Variants in FHL2 observed in about 807,000 individuals in gnomAD.
FHL2 encodes the protein four and a half LIM domains protein 2.
FHL2 carries 20 observed loss-of-function variants against 32.7 expected under a neutral mutation model. That is an observed-to-expected ratio of 0.61 (90% CI 0.43 to 0.89). FHL2 has a LOEUF of 0.89. FHL2 is among the 40% of genes least tolerant of loss of function. FHL2 has a pLI of 0.00. For synonymous variants in FHL2, 123 were observed against 128.1 expected (o/e 0.96, Z 0.27); for missense variants, 311 against 358.6 (o/e 0.87, Z 1.07).
At chr2:105,416,668 A>G (rs868182290) in intron 1 of FHL2, among the ~76,000 whole-genome samples, 20 of 152,214 alleles carry the variant, frequency 1.3e-4, no homozygotes, top group South Asian at 8.3e-4. Context: ...TATTGCTTCT[A>G]TAGATCTTCC....
At chr2:105,411,549 T>G (rs984236843) in intron 1 of FHL2, among the ~76,000 whole-genome samples, 14 of 148,048 alleles carry the variant, frequency 9.5e-5, no homozygotes, top group Non-Finnish European at 1.8e-4. Context: ...TTTTTTTTTT[T>G]TTTTTTTTTT....
At chr2:105,419,331 A>G (rs142864436) in intron 1 of FHL2, among the ~76,000 whole-genome samples, 10 of 152,326 alleles carry the variant, frequency 6.6e-5, no homozygotes, top group African/African-American at 2.4e-4. Context: ...ACTGCACCCA[A>G]TTTGTAGTCT....
chr2:105,399,612 G>A, upstream of FHL2: 1 of 1,526,776 alleles, frequency 6.5e-7, no homozygotes, highest in Non-Finnish European at 8.7e-7. Flanking sequence ...TCCCTCTCGG[G>A]GCCAGAAGAC....
chr2:105,406,455 C>CTTT (rs10655752), intron 1 of FHL2, among the ~76,000 whole-genome samples: 30,713 of 141,126 alleles, frequency 0.22, 3,926 homozygotes, highest in East Asian at 0.44. Context: ...TTTTTCTTAT[C>CTTT]TTTTTTTTTT....
intron 1 of FHL2, among the ~76,000 whole-genome samples, chr2:105,405,117 A>G (rs1390088121): frequency 6.6e-6 from 1 of 152,218 alleles, no homozygotes; most frequent in African/African-American, 2.4e-5. Flanking sequence ...TTTGTAAGGT[A>G]GACTCTGAAA....
At chr2:105,400,098 C>CTCTA (rs943898424), upstream of FHL2, among the ~76,000 whole-genome samples, 5 of 151,910 alleles carry the variant, frequency 3.3e-5, no homozygotes. Flanking sequence ...TGAGCACTAG[C>CTCTA]TCTACCTGGT....
intron 1 of FHL2, 97 bp downstream of exon 1, chr2:105,398,745 C>A: frequency 9.4e-7 from 1 of 1,063,790 alleles, no homozygotes; most frequent in Non-Finnish European, 1.3e-6. Flanking sequence ...CCGGGTCTAC[C>A]CCACAGCTCA....
At chr2:105,412,644 G>A (rs1202715316) in intron 1 of FHL2, among the ~76,000 whole-genome samples, 1 of 152,256 alleles carries the variant, frequency 6.6e-6, no homozygotes, top group Non-Finnish European at 1.5e-5. Context: ...GGATGGTTAG[G>A]AGTGGGTCGA....
chr2:105,394,335 G>A (rs563596409), intron 2 of FHL2, among the ~76,000 whole-genome samples: 108 of 152,068 alleles, frequency 7.1e-4, no homozygotes, highest in African/African-American at 2.5e-3. Context: ...CCAAGAGTTC[G>A]AGGCTGCAGT....
chr2:105,373,980 G>GT lies in FHL2; in HGVS notation c.157-248dup, dbSNP rs1036410482. Reference sequence around the variant, plus strand: ...TGTGCATGTATGCACATGTCTGTGTGTGAGAGATGCTTCTAAAAAACAAAG... The same window carrying GT: ...TGTGCATGTATGCACATGTCTGTGTGTTGAGAGATGCTTCTAAAAAACAAAG... On this transcript the variant is annotated intron_variant, in intron 3 of 6. Coordinates refer to ENST00000530340, the MANE Select transcript of FHL2 (RefSeq NM_001318895.3). The GT allele has an allele frequency of 7.5e-6, 4 of 531,728 alleles. No homozygotes were observed. The African/African-American group carries it at 7.6e-5, about 10-fold the overall frequency. 32.9% of individuals were successfully genotyped at this position (531,728 alleles called of 1,614,324 possible).
chr2:105,411,979 A>C (rs1210498000), intron 1 of FHL2, among the ~76,000 whole-genome samples: 1 of 152,156 alleles, frequency 6.6e-6, no homozygotes, highest in Non-Finnish European at 1.5e-5. Flanking sequence ...TCTAAGGGTT[A>C]AAGTCCAGTG....
At chr2:105,398,078 T>C (rs931546454) in intron 1 of FHL2, among the ~76,000 whole-genome samples, 2 of 151,874 alleles carry the variant, frequency 1.3e-5, no homozygotes, top group African/African-American at 4.8e-5. Context: ...TGGAAGGGAG[T>C]GCGGGCCTTA....
chr2:105,368,224 T>G (rs1680777147), intron 4 of FHL2, among the ~76,000 whole-genome samples: 1 of 152,206 alleles, frequency 6.6e-6, no homozygotes, highest in Admixed American at 6.5e-5. Context: ...CCTGATTCAG[T>G]GAGCAGCCTC....
chr2:105,437,824 C>G (rs1405638984), intron 1 of FHL2, among the ~76,000 whole-genome samples: 2 of 152,120 alleles, frequency 1.3e-5, no homozygotes, highest in African/African-American at 4.8e-5. Flanking sequence ...CATGCATTTC[C>G]TTTTTAAAGC....
chr2:105,406,985 TAAC>T (rs1364298712), intron 1 of FHL2, among the ~76,000 whole-genome samples: 1 of 152,228 alleles, frequency 6.6e-6, no homozygotes, highest in Non-Finnish European at 1.5e-5. Flanking sequence ...CCCATGTTTA[TAAC>T]AACAGAGGAG....
intron 4 of FHL2, among the ~76,000 whole-genome samples, chr2:105,369,335 G>C (rs551502750): frequency 1.3e-5 from 2 of 152,308 alleles, no homozygotes; most frequent in South Asian, 4.1e-4. Flanking sequence ...GACAAAGCTA[G>C]GGGTTGTATT....
At chr2:105,420,217 C>T (rs1191508543) in intron 1 of FHL2, among the ~76,000 whole-genome samples, 1 of 152,208 alleles carries the variant, frequency 6.6e-6, no homozygotes, top group Non-Finnish European at 1.5e-5. Flanking sequence ...GGAGCATTTG[C>T]TCCATGCCTC....
At chr2:105,400,760 T>C (rs925876426), upstream of FHL2, among the ~76,000 whole-genome samples, 2 of 151,290 alleles carry the variant, frequency 1.3e-5, no homozygotes, top group Non-Finnish European at 2.9e-5. Context: ...GATAGAGTTA[T>C]TTAGTTCTGT....
intron 2 of FHL2, among the ~76,000 whole-genome samples, chr2:105,388,286 T>A (rs1682467949): frequency 6.6e-6 from 1 of 152,116 alleles, no homozygotes; most frequent in South Asian, 2.1e-4. Context: ...GGGGTCTCCA[T>A]GCCCGGCACA....
Sources: allele counts gnomAD v4.1 joint callset (sites outside exome capture counted in the v4.1 genomes callset), GRCh38; gene constraint gnomAD v4.1.1; transcripts MANE v1.5; gene names NCBI Gene and HGNC (gene_info 2026-07-23, HGNC 2026-07-21).